Variants in FBXW7 observed in about 807,000 individuals in gnomAD.
FBXW7 encodes the protein F-box and WD repeat domain containing 7.
Under a neutral mutation model 86.3 loss-of-function variants are expected in FBXW7, and 11 were observed. The observed-to-expected ratio is 0.13, with a 90% confidence interval of 0.08 to 0.21. The LOEUF (loss-of-function observed/expected upper bound fraction) is 0.21, where lower values mean the gene tolerates loss of function less well. Ranked by LOEUF, FBXW7 falls within the 10% of genes least tolerant of loss-of-function variation. The pLI, the probability that FBXW7 is intolerant of heterozygous loss-of-function variation, is 1.00. For missense variants in FBXW7, 488 were observed against 847.4 expected, an observed-to-expected ratio of 0.58 and a Z score of 5.27; for synonymous variants, 313 against 297.9, an observed-to-expected ratio of 1.05 and a Z score of -0.52.
chr4:152,339,922 C>CAAAAAA (rs1227838925), intron 6 of FBXW7, among the ~76,000 whole-genome samples: 2 of 66,352 alleles, frequency 3.0e-5, no homozygotes, highest in African/African-American at 5.1e-5. Context: ...GGCTTTGTCT[C>CAAAAAA]AAAAAAAAAA....
chr4:152,468,143 A>G (rs370019409), intron 2 of FBXW7, among the ~76,000 whole-genome samples: 10 of 152,164 alleles, frequency 6.6e-5, no homozygotes, highest in Admixed American at 3.9e-4. Flanking sequence ...AAGACTGACA[A>G]TAAGTGTTTA....
chr4:152,531,341 T>C (rs1750008512), intron 2 of FBXW7, among the ~76,000 whole-genome samples: 1 of 152,190 alleles, frequency 6.6e-6, no homozygotes, highest in Admixed American at 6.5e-5. Context: ...TATCTCCTTG[T>C]TGAAACATCT....
chr4:152,516,259 C>T lies in FBXW7; in HGVS notation c.-120+18682G>A, dbSNP rs78209965. ...GTCCGTGGCCTGTTAGAAACCCGGC[C>T]GCACAGCAGGAGGTGAGCTGCAGGT... On this transcript the variant is annotated intron_variant, in intron 2 of 13. Transcript: ENST00000281708. Among the ~76,000 whole-genome samples, 1,365 of 152,326 alleles carry T rather than the reference C, an allele frequency of 9.0e-3. 42 individuals are homozygous for T. The highest frequency in any genetic ancestry group is 0.067 in the East Asian group (349 of 5,180).
At chr4:152,341,949 T>G (rs2126610368) in intron 6 of FBXW7, among the ~76,000 whole-genome samples, 1 of 152,294 alleles carries the variant, frequency 6.6e-6, no homozygotes, top group African/African-American at 2.4e-5. Context: ...TAGGTTACAA[T>G]TTAACCTCTT....
chr4:152,332,927 C>T (rs745948473), intron 7 of FBXW7, among the ~76,000 whole-genome samples: 3 of 151,990 alleles, frequency 2.0e-5, no homozygotes, highest in Non-Finnish European at 4.4e-5. Flanking sequence ...ATGAACTTCA[C>T]TCTACTAACT....
chr4:152,327,527 C>T (rs1309619586), intron 11 of FBXW7, among the ~76,000 whole-genome samples: 1 of 151,906 alleles, frequency 6.6e-6, no homozygotes, highest in African/African-American at 2.4e-5. Flanking sequence ...GAGATAAAAG[C>T]AACAGCAAAG....
At chr4:152,332,466 T>C in intron 8 of FBXW7, 130 bp downstream of exon 8, 4 of 927,712 alleles carry the variant, frequency 4.3e-6, no homozygotes, top group Non-Finnish European at 5.7e-6. Context: ...TCGGCTCATC[T>C]GAATGTGTAG....
chr4:152,395,750 A>G (rs1347592765), intron 4 of FBXW7, among the ~76,000 whole-genome samples: 1 of 152,000 alleles, frequency 6.6e-6, no homozygotes, highest in Non-Finnish European at 1.5e-5. Context: ...AAACATTTCT[A>G]CAGAAGTGCC....
intron 2 of FBXW7, among the ~76,000 whole-genome samples, chr4:152,484,425 A>G (rs1320897821): frequency 6.6e-6 from 1 of 152,164 alleles, no homozygotes; most frequent in Non-Finnish European, 1.5e-5. Flanking sequence ...GAGGGGAAAA[A>G]GAGAAGCTCA....
rs571901153 is a variant in FBXW7 at position 152,516,031 on chromosome 4, T to C, written c.-120+18910A>G. 3.9e-5 allele frequency among the ~76,000 whole-genome samples: 6 copies of C among 152,294 alleles called. No individual in the cohort carries two copies. The East Asian group carries it at 1.2e-3, about 29-fold the overall frequency. On this transcript the variant is annotated intron_variant, in intron 2 of 13. Transcript: ENST00000281708. Reference sequence around the variant, plus strand: ...TCTACAAGAACAAGGAATTGAACTCTTCCCACAACCGGTGAGCCTGGAGGA... The same window carrying C: ...TCTACAAGAACAAGGAATTGAACTCCTCCCACAACCGGTGAGCCTGGAGGA...
At chr4:152,437,511 T>C (rs1046918142) in intron 2 of FBXW7, among the ~76,000 whole-genome samples, 2 of 152,164 alleles carry the variant, frequency 1.3e-5, no homozygotes, top group African/African-American at 4.8e-5. Context: ...ATGGATAAGG[T>C]GTTGTTTCTT....
At chr4:152,463,940 C>A (rs1325544821) in intron 2 of FBXW7, among the ~76,000 whole-genome samples, 1 of 151,956 alleles carries the variant, frequency 6.6e-6, no homozygotes, top group African/African-American at 2.4e-5. Flanking sequence ...AGGTTTATTA[C>A]AGAAGACAAA....
At position 152,536,016 on chromosome 4, in the gene FBXW7, A is replaced by G. The variant is rs1175086000; in HGVS notation, c.-1102T>C. The G allele has an allele frequency of 8.2e-5, 18 of 220,828 alleles. No homozygotes were observed. Among genetic ancestry groups the G allele is most frequent in the Admixed American group, 3.6e-4 (6 of 16,754 alleles). The allele number at this position is 220,828 out of a possible 1,614,324, so 13.7% of individuals were successfully genotyped here. A position where few individuals can be genotyped will look rare whatever the true frequency, so the allele number is the denominator to read the frequency against. On this transcript the variant is annotated 5_prime_UTR_variant, in exon 1 of 14. Coordinates refer to ENST00000281708, the MANE Select transcript of FBXW7 (RefSeq NM_001349798.2). ...CAGTCTCAGCGGCGGCGGCGGCGGCAGCGGCAGCGGCAGCGCCCGGAGCTC... is the reference window on the plus strand; with the variant it reads ...CAGTCTCAGCGGCGGCGGCGGCGGCGGCGGCAGCGGCAGCGCCCGGAGCTC...
At chr4:152,432,249 A>G (rs1739961541) in intron 2 of FBXW7, among the ~76,000 whole-genome samples, 1 of 152,158 alleles carries the variant, frequency 6.6e-6, no homozygotes, top group Non-Finnish European at 1.5e-5. Context: ...AAAAATCAGT[A>G]TTCTAGGCCT....
chr4:152,352,375 A>C (rs1731896712), intron 4 of FBXW7: 1 of 1,489,168 alleles, frequency 6.7e-7, no homozygotes, highest in African/African-American at 1.4e-5. Context: ...CCAAAATTAG[A>C]GGATACTGCA....
At chr4:152,476,816 T>C (rs987145115) in intron 2 of FBXW7, among the ~76,000 whole-genome samples, 1 of 152,178 alleles carries the variant, frequency 6.6e-6, no homozygotes, top group African/African-American at 2.4e-5. Flanking sequence ...GACACTCAAC[T>C]ACCCTTTTGG....
At chr4:152,447,591 G>C (rs1028014520) in intron 2 of FBXW7, among the ~76,000 whole-genome samples, 2 of 152,162 alleles carry the variant, frequency 1.3e-5, no homozygotes, top group African/African-American at 4.8e-5. Context: ...TAATCACTTT[G>C]AAATTTATAA....
At chr4:152,399,215 A>C (rs929991169) in intron 4 of FBXW7, among the ~76,000 whole-genome samples, 2 of 152,164 alleles carry the variant, frequency 1.3e-5, no homozygotes, top group African/African-American at 4.8e-5. Context: ...ATGGCATGGA[A>C]ATTCTGCAAA....
intron 2 of FBXW7, among the ~76,000 whole-genome samples, chr4:152,497,321 CAAA>C (rs55764450): frequency 9.7e-5 from 5 of 51,662 alleles, no homozygotes; most frequent in African/African-American, 1.6e-4. Flanking sequence ...GACTCCATCT[CAAA>C]AAAAAAAAAA....
Sources: allele counts gnomAD v4.1 joint callset (sites outside exome capture counted in the v4.1 genomes callset), GRCh38; gene constraint gnomAD v4.1.1; transcripts MANE v1.5; gene names NCBI Gene and HGNC (gene_info 2026-07-23, HGNC 2026-07-21).